The following MRAP variants were observed in gnomAD, a reference collection of about 807,000 sequenced individuals.
MRAP encodes melanocortin-2 receptor accessory protein.
Under a neutral mutation model 8.7 loss-of-function variants are expected in MRAP, and 8 were observed. The observed-to-expected ratio is 0.92, with a 90% confidence interval of 0.54 to 1.66. MRAP has a LOEUF of 1.66. Among genes scored for constraint, MRAP ranks in the 40% most tolerant of loss-of-function variants. The pLI is 0.00. For missense variants in MRAP, 237 were observed against 217.1 expected (o/e 1.09, Z -0.58); for synonymous variants, 95 against 95.5 (o/e 1.00, Z 0.03).
chr21:32,308,386 A>C (rs2123518483), intron 2 of MRAP: 1 of 152,164 alleles, frequency 6.6e-6, no homozygotes, highest in Non-Finnish European at 1.5e-5. Flanking sequence ...TCCAAAAAGA[A>C]AAAAAAAAGA....
At chr21:32,312,944 C>T (rs1220301613), downstream of MRAP, 2 of 152,194 alleles carry the variant, frequency 1.3e-5, no homozygotes, top group Non-Finnish European at 2.9e-5. Flanking sequence ...TTCCCTTCCT[C>T]CACACTAAGT....
chr21:32,314,343 C>T (rs550738042), downstream of MRAP: 10 of 479,222 alleles, frequency 2.1e-5, no homozygotes, highest in South Asian at 2.0e-4. Flanking sequence ...CGCTACCATG[C>T]CTGGCTAATT....
chr21:32,300,934 GTA>G (rs929930193), intron 1 of MRAP, among the ~76,000 whole-genome samples: 1 of 151,066 alleles, frequency 6.6e-6, no homozygotes, highest in African/African-American at 2.5e-5. Context: ...GATATATCGT[GTA>G]TGTCATATCA....
chr21:32,300,571 ACGT>A (rs907068283), intron 1 of MRAP, among the ~76,000 whole-genome samples: 47 of 148,704 alleles, frequency 3.2e-4, no homozygotes, highest in Middle Eastern at 7.7e-3. Context: ...GATGTTTCAC[ACGT>A]CATGTCAGGG....
rs749474036 is a variant in MRAP at position 32,306,752 on chromosome 21, G to A, written c.206+13G>A. The A allele has an allele frequency of 1.2e-6, 2 of 1,608,516 alleles. No homozygotes were observed. The highest frequency in any genetic ancestry group is 1.1e-5 in the South Asian group (1 of 90,932). ...CCCCGCAGATGAGGTGGGTAAGAAG[G>A]GGTGTGAGTCTGTGGGTCACTCAGA... On this transcript the variant is annotated intron_variant, in intron 2 of 2. Coordinates refer to ENST00000303645, the MANE Select transcript of MRAP (RefSeq NM_001379228.1).
At chr21:32,311,496 T>C in intron 2 of MRAP, 188 bp from the exon 3 acceptor site, 1 of 539,770 alleles carries the variant, frequency 1.9e-6, no homozygotes, top group Non-Finnish European at 2.9e-6. Context: ...AAGCACTTCC[T>C]CTCCTCTGAG....
chr21:32,299,818 CAT>C (rs1200560680), intron 1 of MRAP, among the ~76,000 whole-genome samples: 1 of 152,158 alleles, frequency 6.6e-6, no homozygotes, highest in Non-Finnish European at 1.5e-5. Flanking sequence ...GTTTAATCTT[CAT>C]AGTCTCAGCA....
At chr21:32,292,539 C>A (rs902097258) in intron 1 of MRAP, among the ~76,000 whole-genome samples, 9 of 152,140 alleles carry the variant, frequency 5.9e-5, no homozygotes, top group African/African-American at 2.2e-4. Context: ...TCACTGCAAG[C>A]TTCTCCTCTT....
intron 1 of MRAP, among the ~76,000 whole-genome samples, chr21:32,303,943 A>G (rs940955499): frequency 3.9e-5 from 6 of 152,200 alleles, no homozygotes; most frequent in African/African-American, 1.2e-4. Context: ...TTATATGAAG[A>G]CACTGCGTTC....
At chr21:32,300,588 TCA>T (rs1158718124) in intron 1 of MRAP, among the ~76,000 whole-genome samples, 12 of 150,774 alleles carry the variant, frequency 8.0e-5, no homozygotes, top group South Asian at 2.1e-4. Flanking sequence ...GTCAGGGGCG[TCA>T]CACGTCCTAT....
At chr21:32,302,179 T>A (rs1315511146) in intron 1 of MRAP, among the ~76,000 whole-genome samples, 2 of 152,174 alleles carry the variant, frequency 1.3e-5, no homozygotes, top group Non-Finnish European at 2.9e-5. Context: ...GTGTATATCT[T>A]TTGAGGATGA....
intron 2 of MRAP, chr21:32,311,423 C>CCTCCTAA: frequency 3.4e-6 from 1 of 292,250 alleles, no homozygotes; most frequent in South Asian, 1.1e-4. Context: ...CCACCCCCCC[C>CCTCCTAA]ATCCTAAATC....
chr21:32,296,779 T>C (rs575017617), upstream of MRAP, among the ~76,000 whole-genome samples: 1 of 152,274 alleles, frequency 6.6e-6, no homozygotes, highest in Middle Eastern at 3.4e-3. Context: ...AAGATTTTTT[T>C]AAAAATAGTA....
chr21:32,314,269 C>T, downstream of MRAP: 1 of 376,544 alleles, frequency 2.7e-6, no homozygotes, highest in South Asian at 2.2e-5. Context: ...ACTGTAGCCT[C>T]CACCTCCCAG....
intron 1 of MRAP, among the ~76,000 whole-genome samples, chr21:32,299,462 GTA>G (rs2032207938): frequency 6.6e-6 from 1 of 152,084 alleles, no homozygotes; most frequent in South Asian, 2.1e-4. Context: ...AGCCTCCCAA[GTA>G]ACTGAGACTA....
intron 2 of MRAP, 144 bp downstream of exon 2, chr21:32,306,883 C>T (rs1456421986): frequency 4.1e-6 from 3 of 733,664 alleles, no homozygotes; most frequent in East Asian, 2.7e-5. Context: ...TTGTACCTAC[C>T]AGCTGAGCAT....
At chr21:32,305,695 T>G (rs907270314) in intron 1 of MRAP, among the ~76,000 whole-genome samples, 3 of 152,176 alleles carry the variant, frequency 2.0e-5, no homozygotes, top group African/African-American at 7.2e-5. Context: ...GTCACACACA[T>G]AGGCGTCTAG....
Position 32,311,704 on chromosome 21 carries a change from A to G in MRAP, c.227A>G (p.Gln76Arg). The G allele has an allele frequency of 6.2e-7, 1 of 1,614,006 alleles. No homozygotes were observed. The highest frequency in any genetic ancestry group is 8.5e-7 in the Non-Finnish European group (1 of 1,179,980). ...CACAGGAACAGCCCCAAGCACCACCAAACATGCCCCTGGAGTCACGGCCTC... is the reference window on the plus strand; with the variant it reads ...CACAGGAACAGCCCCAAGCACCACCGAACATGCCCCTGGAGTCACGGCCTC... ...PQMRNSPKHH[Q>R]TCPWSHGLNL... is the part of the protein sequence containing the mutation. The change falls in exon 3 of 3, where the codon CAA becomes CGA. Residue 76 changes from glutamine to arginine, a missense_variant. By Grantham distance (43) the Gln-to-Arg change is conservative. Transcript: ENST00000303645.
intron 1 of MRAP, among the ~76,000 whole-genome samples, chr21:32,304,985 T>G (rs1232900676): frequency 6.9e-6 from 1 of 145,252 alleles, no homozygotes; most frequent in African/African-American, 2.7e-5. Flanking sequence ...TTTTTTTTTT[T>G]TTTTTGAGAC....
Sources: gnomAD v4.1 joint callset for allele counts (sites outside exome capture counted in the v4.1 genomes callset) on GRCh38, gnomAD v4.1.1 for gene constraint, MANE v1.5 for transcripts, NCBI Gene and HGNC (gene_info 2026-07-23, HGNC 2026-07-21) for gene names.